The following FXR1 variants were observed in gnomAD, a reference collection of about 807,000 sequenced individuals.
FXR1 encodes FMR1 autosomal homolog 1.
FXR1 carries 15 observed loss-of-function variants against 84.0 expected under a neutral mutation model. That is an observed-to-expected ratio of 0.18 (90% confidence interval 0.12 to 0.27). The LOEUF (loss-of-function observed/expected upper bound fraction) is 0.27. Ranked by LOEUF, FXR1 falls within the 10% of genes least tolerant of loss-of-function variation. FXR1 has a pLI of 1.00. For missense variants in FXR1, 480 were observed against 774.4 expected (o/e 0.62, Z 4.51); for synonymous variants, 245 against 250.7 (o/e 0.98, Z 0.21).
At chr3:180,948,159 G>GGT in intron 4 of FXR1, 188 bp from the exon 5 acceptor site, 1 of 616,200 alleles carries the variant, frequency 1.6e-6, no homozygotes, top group Non-Finnish European at 2.9e-6. Flanking sequence ...GGACCGCCAA[G>GGT]GTTCATGCTT....
At chr3:180,924,781 C>T (rs540127796) in intron 1 of FXR1, among the ~76,000 whole-genome samples, 4 of 152,204 alleles carry the variant, frequency 2.6e-5, no homozygotes, top group Admixed American at 6.5e-5. Flanking sequence ...CGTGAGCCAC[C>T]GTGCCTGGCC....
At chr3:180,948,551 C>T in intron 5 of FXR1, 56 bp downstream of exon 5, 1 of 1,309,618 alleles carries the variant, frequency 7.6e-7, no homozygotes, top group South Asian at 1.3e-5. Context: ...ATTTTTCAGT[C>T]CTACAAAACA....
At chr3:180,945,195 C>G (rs1053657770) in intron 3 of FXR1, among the ~76,000 whole-genome samples, 16 of 152,194 alleles carry the variant, frequency 1.1e-4, no homozygotes, top group Non-Finnish European at 2.2e-4. Context: ...TTAATGACAT[C>G]TCATTCTATT....
chr3:180,919,750 T>C (rs1718349424), intron 1 of FXR1, among the ~76,000 whole-genome samples: 2 of 152,294 alleles, frequency 1.3e-5, no homozygotes, highest in South Asian at 4.1e-4. Flanking sequence ...CTCAGCTCAC[T>C]GCAACCTCTG....
intron 15 of FXR1, chr3:180,971,169 AC>A: frequency 9.3e-7 from 1 of 1,073,650 alleles, no homozygotes; most frequent in Non-Finnish European, 1.2e-6. Context: ...ACTTGAGTGG[AC>A]CTGTGGACAC....
At chr3:180,959,604 C>A (rs1444263217) in intron 10 of FXR1, among the ~76,000 whole-genome samples, 3 of 152,018 alleles carry the variant, frequency 2.0e-5, no homozygotes, top group Non-Finnish European at 4.4e-5. Flanking sequence ...GACCTGAAAA[C>A]AGGCTATGTG....
chr3:180,922,572 T>G (rs1718709108), intron 1 of FXR1, among the ~76,000 whole-genome samples: 1 of 152,188 alleles, frequency 6.6e-6, no homozygotes, highest in Non-Finnish European at 1.5e-5. Flanking sequence ...TCTGACCTGA[T>G]GTAAGAGTGT....
chr3:180,968,849 T>G (rs1186767496), intron 14 of FXR1, among the ~76,000 whole-genome samples: 1 of 152,184 alleles, frequency 6.6e-6, no homozygotes, highest in Non-Finnish European at 1.5e-5. Flanking sequence ...ATGCTTTACA[T>G]TAAGTTGTAG....
Position 180,926,506 on chromosome 3 carries a change from A to ATATATATT in FXR1, c.52-6827_52-6826insATATATTT, listed in dbSNP as rs72192827. Among the ~76,000 whole-genome samples, 211 of 124,336 alleles carry ATATATATT rather than the reference A, an allele frequency of 1.7e-3. 1 individual carries two copies. Among genetic ancestry groups the ATATATATT allele is most frequent in the Middle Eastern group, 8.3e-3 (2 of 240 alleles). 81.6% of individuals were successfully genotyped at this position (124,336 alleles called of 152,430 possible). A position where few individuals can be genotyped will look rare whatever the true frequency, so the allele number is the denominator to read the frequency against. ...TATATATATATATATATATATATAT[A>ATATATATT]TTTTTTTTTCTGGCCTTTTGTTGGC... On this transcript the variant is annotated intron_variant, in intron 1 of 16. Transcript: ENST00000357559.
At chr3:180,913,062 C>T (rs954409986) in intron 1 of FXR1, among the ~76,000 whole-genome samples, 2 of 152,070 alleles carry the variant, frequency 1.3e-5, no homozygotes, top group Admixed American at 1.3e-4. Flanking sequence ...GGAGCAGGCC[C>T]GAGCTCTGGG....
At position 180,947,953 on chromosome 3, in the gene FXR1, C is replaced by A; in HGVS notation, c.270+17C>A. On this transcript the variant is annotated intron_variant, in intron 4 of 16. Transcript: ENST00000357559. ...AAAGGAGAAGTAAGTACTCTTCACA[C>A]TTGCTTTGTGACTAGTTTCTAAGGA... is the stretch of plus-strand genomic sequence containing the variant. 6.7e-7 allele frequency: 1 copy of A among 1,494,348 alleles called. No homozygotes were observed. The highest frequency in any genetic ancestry group is 9.3e-7 in the Non-Finnish European group (1 of 1,078,806). 92.6% of individuals were successfully genotyped at this position (1,494,348 alleles called of 1,614,324 possible).
intron 3 of FXR1, among the ~76,000 whole-genome samples, chr3:180,945,307 G>A (rs1721583385): frequency 1.3e-5 from 2 of 152,040 alleles, no homozygotes; most frequent in Admixed American, 6.6e-5. Flanking sequence ...TTTCTTTTTC[G>A]AGTTACCTTT....
Position 180,981,613 on chromosome 3 carries a change from T to TATAG in FXR1, c.*5326_*5329dup, listed in dbSNP as rs1410466360. On this transcript the variant is annotated 3_prime_UTR_variant, in exon 17 of 17. Coordinates refer to ENST00000357559, the MANE Select transcript of FXR1 (RefSeq NM_005087.4). ...TGATATTGAGGTCTAATGTGAAGGC[T>TATAG]ATAGATAGGAATTCCCCACAAACTT... The TATAG allele has an allele frequency of 2.0e-5, 3 of 152,100 alleles. No homozygotes were observed. The highest frequency in any genetic ancestry group is 3.9e-4 in the East Asian group (2 of 5,180). The allele number at this position is 152,100 out of a possible 1,614,324, so 9.4% of individuals were successfully genotyped here. A position where few individuals can be genotyped will look rare whatever the true frequency, so the allele number is the denominator to read the frequency against.
chr3:180,974,464 G>C (rs767727624), intron 15 of FXR1, among the ~76,000 whole-genome samples: 4 of 152,210 alleles, frequency 2.6e-5, no homozygotes, highest in African/African-American at 7.2e-5. Context: ...TTCTTGAAGA[G>C]AGAGTGTTGA....
At chr3:180,920,498 AAGTC>A (rs932162435) in intron 1 of FXR1, among the ~76,000 whole-genome samples, 2 of 151,846 alleles carry the variant, frequency 1.3e-5, no homozygotes, top group African/African-American at 4.8e-5. Flanking sequence ...TGCAACGAGA[AAGTC>A]AGAATAGTTT....
chr3:180,918,688 T>C (rs1718190756), intron 1 of FXR1, among the ~76,000 whole-genome samples: 1 of 152,218 alleles, frequency 6.6e-6, no homozygotes, highest in Middle Eastern at 3.2e-3. Flanking sequence ...TCATATGCAG[T>C]ATGAAGCAGT....
chr3:180,945,413 T>C (rs2108461128), intron 3 of FXR1, among the ~76,000 whole-genome samples: 1 of 152,334 alleles, frequency 6.6e-6, no homozygotes, highest in South Asian at 2.1e-4. Context: ...TTTTACCTTT[T>C]TTTTCCCCCT....
intron 3 of FXR1, among the ~76,000 whole-genome samples, chr3:180,944,499 A>AT (rs966283028): frequency 1.3e-5 from 2 of 151,488 alleles, no homozygotes; most frequent in Admixed American, 6.6e-5. Flanking sequence ...TTAAAAAAAA[A>AT]TTTTTTTTAT....
chr3:180,942,494 T>A (rs1042871502), intron 3 of FXR1, among the ~76,000 whole-genome samples: 3 of 151,842 alleles, frequency 2.0e-5, no homozygotes, highest in Non-Finnish European at 2.9e-5. Context: ...CACATTTGTT[T>A]GCTTGAGTTT....
Sources: allele counts gnomAD v4.1 joint callset (sites outside exome capture counted in the v4.1 genomes callset), GRCh38; gene constraint gnomAD v4.1.1; transcripts MANE v1.5; gene names NCBI Gene and HGNC (gene_info 2026-07-23, HGNC 2026-07-21).